Variants in GARIN5A observed in about 807,000 individuals in gnomAD.
The protein encoded by GARIN5A is Golgi-associated RAB2 interactor protein 5A.
At chr19:50,473,268 G>T in the GARIN5A span, among the ~76,000 whole-genome samples, 3 of 152,162 alleles carry the variant, frequency 2.0e-5, no homozygotes, top group Non-Finnish European at 4.4e-5. Context: ...GAGACAATGT[G>T]AGTTTGTCCT....
At chr19:50,474,178 CTCTCT>C in the GARIN5A span, among the ~76,000 whole-genome samples, 1 of 104,952 alleles carries the variant, frequency 9.5e-6, no homozygotes, top group South Asian at 3.8e-4. Flanking sequence ...CTTTTTTATT[CTCTCT>C]TTTTTTTTTT....
the GARIN5A span, among the ~76,000 whole-genome samples, chr19:50,472,122 ATATACGTGTGTATATGTATG>A: frequency 0.016 from 2,156 of 132,818 alleles, 68 homozygotes; most frequent in East Asian, 0.045. Flanking sequence ...GTATATGTAT[ATATACGTGTGTATATGTATG>A]TATACGTGTG....
At chr19:50,468,363 C>CA in the GARIN5A span, among the ~76,000 whole-genome samples, 1,625 of 76,896 alleles carry the variant, frequency 0.021, 23 homozygotes, top group Middle Eastern at 0.032. Context: ...GACTGTGTCT[C>CA]AAAAAAAAAA....
chr19:50,472,036 G>GTA, the GARIN5A span, among the ~76,000 whole-genome samples: 2 of 129,942 alleles, frequency 1.5e-5, no homozygotes, highest in African/African-American at 8.2e-5. Flanking sequence ...ATATGTACGT[G>GTA]TGTGTATATG....
the GARIN5A span, among the ~76,000 whole-genome samples, chr19:50,473,435 C>T: frequency 6.6e-6 from 1 of 152,150 alleles, no homozygotes; most frequent in Non-Finnish European, 1.5e-5. Context: ...CAGTTCACTG[C>T]AGCCTCGAAC....
the GARIN5A span, chr19:50,467,727 C>T: frequency 6.3e-4 from 1,010 of 1,603,928 alleles, 11 homozygotes; most frequent in African/African-American, 0.012. Flanking sequence ...TGAGTGGGGC[C>T]CGCAGCTGCA....
the GARIN5A span, among the ~76,000 whole-genome samples, chr19:50,471,190 C>T: frequency 6.6e-6 from 1 of 152,050 alleles, no homozygotes; most frequent in Admixed American, 6.6e-5. Flanking sequence ...GTCTCCAACT[C>T]CTGGGCTTAA....
chr19:50,476,023 A>G, the GARIN5A span: 4 of 1,602,638 alleles, frequency 2.5e-6, no homozygotes, highest in African/African-American at 5.4e-5. Context: ...GGCCCGGCAC[A>G]GCCCCGCGGA....
At chr19:50,471,125 T>G in the GARIN5A span, among the ~76,000 whole-genome samples, 1 of 151,706 alleles carries the variant, frequency 6.6e-6, no homozygotes, top group East Asian at 1.9e-4. Context: ...CCACCATCCC[T>G]GGCTAATGTT....
chr19:50,476,014 G>A, the GARIN5A span: 2 of 1,602,466 alleles, frequency 1.2e-6, no homozygotes, highest in Non-Finnish European at 1.7e-6. Flanking sequence ...AACTGAGAGG[G>A]CCCGGCACAG....
the GARIN5A span, among the ~76,000 whole-genome samples, chr19:50,471,601 C>CATATATATGTGTGT: frequency 2.0e-5 from 3 of 151,828 alleles, no homozygotes; most frequent in Non-Finnish European, 4.4e-5. Flanking sequence ...AGGATGGATC[C>CATATATATGTGTGT]ATATATATGT....
chr19:50,470,592 A>G, the GARIN5A span, among the ~76,000 whole-genome samples: 1 of 149,990 alleles, frequency 6.7e-6, no homozygotes, highest in East Asian at 2.0e-4. Context: ...CAAAACGGAT[A>G]TGGGTGTCGT....
the GARIN5A span, among the ~76,000 whole-genome samples, chr19:50,474,304 C>G: frequency 4.0e-5 from 6 of 150,826 alleles, no homozygotes; most frequent in Admixed American, 4.0e-4. Context: ...CTCAGCCTCC[C>G]GAGTAGCTGG....
At chr19:50,472,157 T>TGTATATATACGTGTGTATAG in the GARIN5A span, among the ~76,000 whole-genome samples, 1 of 150,484 alleles carries the variant, frequency 6.6e-6, no homozygotes, top group Admixed American at 6.6e-5. Context: ...CGTGTGTATA[T>TGTATATATACGTGTGTATAG]GTATGTATAC....
the GARIN5A span, among the ~76,000 whole-genome samples, chr19:50,471,658 ACG>A: frequency 8.1e-6 from 1 of 123,668 alleles, no homozygotes; most frequent in East Asian, 2.7e-4. Flanking sequence ...GCATACATGC[ACG>A]TGTGTGTATA....
At chr19:50,472,081 T>TATGTATGTATAC in the GARIN5A span, among the ~76,000 whole-genome samples, 3 of 146,036 alleles carry the variant, frequency 2.1e-5, no homozygotes, top group African/African-American at 5.3e-5. Context: ...TATATATACA[T>TATGTATGTATAC]GTGTGTATAT....
chr19:50,472,057 T>C, the GARIN5A span, among the ~76,000 whole-genome samples: 7 of 136,472 alleles, frequency 5.1e-5, no homozygotes, highest in East Asian at 6.6e-4. Flanking sequence ...TATATATACG[T>C]GTGTGTATAT....
At chr19:50,472,178 G>GCA in the GARIN5A span, among the ~76,000 whole-genome samples, 4 of 145,006 alleles carry the variant, frequency 2.8e-5, no homozygotes, top group East Asian at 3.9e-4. Context: ...GTGTGTATAT[G>GCA]TATGTATACA....
At chr19:50,467,540 T>TC in the GARIN5A span, 4 of 1,484,700 alleles carry the variant, frequency 2.7e-6, no homozygotes, top group Middle Eastern at 3.4e-4. Context: ...CCACTGCGCT[T>TC]CCCCCCTCTC....
Sources: allele counts gnomAD v4.1 joint callset (sites outside exome capture counted in the v4.1 genomes callset), GRCh38; gene constraint gnomAD v4.1.1; transcripts MANE v1.5; gene names NCBI Gene and HGNC (gene_info 2026-07-23, HGNC 2026-07-21).